The following PCYT1B variants were observed in gnomAD, a reference collection of about 807,000 sequenced individuals.
PCYT1B encodes phosphate cytidylyltransferase 1B, choline.
In PCYT1B, 10 loss-of-function variants were observed where a neutral mutation model predicts 26.4. The observed-to-expected ratio is 0.38, with a 90% CI of 0.23 to 0.64. The LOEUF (loss-of-function observed/expected upper bound fraction) is 0.64, where lower values mean the gene tolerates loss of function less well. Among genes scored for constraint, PCYT1B ranks in the 30% least tolerant of loss-of-function variants. PCYT1B has a pLI of 0.56. For synonymous variants in PCYT1B, 131 were observed against 108.4 expected (o/e 1.21, Z -1.29); for missense variants, 161 against 292.7 (o/e 0.55, Z 3.28).
intron 1 of PCYT1B, chrX:24,658,038 A>T (rs373495474): frequency 9.0e-6 from 1 of 111,401 alleles, no homozygotes; most frequent in African/African-American, 3.3e-5. Context: ...CTGTCCTACC[A>T]GGCAGTTTCC....
At chrX:24,598,902 A>C (rs2148240730) in intron 3 of PCYT1B, among the ~76,000 whole-genome samples, 1 of 112,243 alleles carries the variant, frequency 8.9e-6, no homozygotes, top group African/African-American at 3.2e-5. Flanking sequence ...TTTTCTGCAA[A>C]GTTAGTAATC....
chrX:24,656,162 G>A (rs1169689427), intron 1 of PCYT1B, among the ~76,000 whole-genome samples: 1 of 77,335 alleles, frequency 1.3e-5, no homozygotes, highest in Admixed American at 1.6e-4. Context: ...AAGCCCATTA[G>A]GGGAAAAAAA....
At chrX:24,636,528 G>A (rs753365570) in intron 1 of PCYT1B, among the ~76,000 whole-genome samples, 6 of 112,110 alleles carry the variant, frequency 5.4e-5, no homozygotes, top group East Asian at 2.8e-4. Flanking sequence ...CAGAAGAACC[G>A]CTTGTAACTG....
intron 7 of PCYT1B, among the ~76,000 whole-genome samples, chrX:24,569,542 T>C (rs1331458458): frequency 8.9e-6 from 1 of 112,423 alleles, no homozygotes; most frequent in African/African-American, 3.2e-5. Flanking sequence ...AGATGTGATG[T>C]ACACATAAAG....
chrX:24,642,402 T>C (rs1007707191), intron 1 of PCYT1B, among the ~76,000 whole-genome samples: 16 of 112,571 alleles, frequency 1.4e-4, no homozygotes, highest in Admixed American at 1.3e-3. Flanking sequence ...ATTGAGGACA[T>C]ATACATGCAC....
Position 24,558,095 on chromosome X carries a change from T to G in PCYT1B, c.*4198A>C, listed in dbSNP as rs1249298148. 8.9e-6 allele frequency: 1 copy of G among 112,067 alleles called. No individual in the cohort carries two copies. Among genetic ancestry groups the G allele is most frequent in the African/African-American group, 3.3e-5 (1 of 30,724 alleles). The allele number at this position is 112,067 out of a possible 1,213,427, so 9.2% of individuals were successfully genotyped here. A position where few individuals can be genotyped will look rare whatever the true frequency, so the allele number is the denominator to read the frequency against. Reference sequence around the variant, plus strand: ...ACAATGACACACGAAAGTGCAATTCTGCATCCCTTTATTTATAAACGAGTT... The same window carrying G: ...ACAATGACACACGAAAGTGCAATTCGGCATCCCTTTATTTATAAACGAGTT... On this transcript the variant is annotated 3_prime_UTR_variant, in exon 8 of 8. Transcript: ENST00000379144.
intron 1 of PCYT1B, among the ~76,000 whole-genome samples, chrX:24,646,313 G>A (rs957801274): frequency 1.8e-5 from 2 of 111,214 alleles, no homozygotes; most frequent in Middle Eastern, 4.7e-3. Flanking sequence ...TCAGTACCCC[G>A]TTTCCACACT....
At chrX:24,564,337 A>C (rs1489574425) in intron 7 of PCYT1B, among the ~76,000 whole-genome samples, 1 of 105,552 alleles carries the variant, frequency 9.5e-6, no homozygotes, top group Non-Finnish European at 1.9e-5. Context: ...AGTTCTGTTA[A>C]GTTTTTGTTT....
chrX:24,604,307 T>C (rs1199331532), intron 3 of PCYT1B, among the ~76,000 whole-genome samples: 2 of 110,057 alleles, frequency 1.8e-5, no homozygotes. Flanking sequence ...GCCAGGCTGG[T>C]CTCGAACTCC....
chrX:24,558,758 G>C lies in PCYT1B; in HGVS notation c.*3535C>G, dbSNP rs181119227. Reference sequence around the variant, plus strand: ...CCTGGCATTTCTTTGCCTTGGTAAGGTCCTGACACACAGGAGCATGCTTGC... The same window carrying C: ...CCTGGCATTTCTTTGCCTTGGTAAGCTCCTGACACACAGGAGCATGCTTGC... On this transcript the variant is annotated 3_prime_UTR_variant, in exon 8 of 8. Coordinates refer to ENST00000379144, the MANE Select transcript of PCYT1B (RefSeq NM_004845.5). 1 of 109,356 alleles carries C rather than the reference G, an allele frequency of 9.1e-6. No homozygotes were observed. The highest frequency in any genetic ancestry group is 1.9e-5 in the Non-Finnish European group (1 of 52,580). The allele number at this position is 109,356 out of a possible 1,213,427, so 9.0% of individuals were successfully genotyped here. A position where few individuals can be genotyped will look rare whatever the true frequency, so the allele number is the denominator to read the frequency against.
intron 1 of PCYT1B, among the ~76,000 whole-genome samples, chrX:24,652,474 G>A (rs779434971): frequency 8.2e-5 from 9 of 109,681 alleles, no homozygotes; most frequent in Middle Eastern, 4.7e-3. Flanking sequence ...CAGGAGAATC[G>A]CTTGAACCCA....
chrX:24,562,534 G>C, intron 7 of PCYT1B, 29 bp from the exon 8 acceptor site: 1 of 1,158,559 alleles, frequency 8.6e-7, no homozygotes, highest in Non-Finnish European at 1.2e-6. Context: ...GAAGGCATCT[G>C]TTAACTTTGC....
rs1165553186 is a variant in PCYT1B, at chrX:24,629,559, C to CAAAAAAAAAA, written c.118-10485_118-10476dup. Among the ~76,000 whole-genome samples the CAAAAAAAAAA allele has an allele frequency of 5.3e-3, 85 of 16,103 alleles. 19 individuals are homozygous for CAAAAAAAAAA. Among genetic ancestry groups the CAAAAAAAAAA allele is most frequent in the Admixed American group, 0.022 (15 of 679 alleles). The allele number at this position is 16,103 out of a possible 115,157, so 14.0% of individuals were successfully genotyped here. On this transcript the variant is annotated intron_variant, in intron 1 of 7. Transcript: ENST00000379144. ...TGGGTGAAAGAGTGAGACCCTGTCT[C>CAAAAAAAAAA]AAAAAAAAAAAAAAAAAAAAAAAAA...
chrX:24,582,095 G>A (rs1218467523), intron 5 of PCYT1B, among the ~76,000 whole-genome samples: 1 of 112,672 alleles, frequency 8.9e-6, no homozygotes, highest in Non-Finnish European at 1.9e-5. Context: ...ACCCAGCTGT[G>A]CAGGAGGCTC....
At chrX:24,605,798 T>C (rs1183365191) in intron 3 of PCYT1B, among the ~76,000 whole-genome samples, 1 of 110,856 alleles carries the variant, frequency 9.0e-6, no homozygotes, top group Non-Finnish European at 1.9e-5. Context: ...GGCATGTGCC[T>C]GTAATCCAGC....
intron 1 of PCYT1B, among the ~76,000 whole-genome samples, chrX:24,669,847 G>A (rs1927202588): frequency 9.2e-6 from 1 of 108,514 alleles, no homozygotes; most frequent in Non-Finnish European, 1.9e-5. Flanking sequence ...TTCAAGACCA[G>A]CCTGAGAAAC....
chrX:24,652,430 G>A (rs1220545949), intron 1 of PCYT1B, among the ~76,000 whole-genome samples: 3 of 109,974 alleles, frequency 2.7e-5, no homozygotes, highest in African/African-American at 9.9e-5. Context: ...GTGTTGGTGG[G>A]CGCCTGTAAT....
intron 2 of PCYT1B, among the ~76,000 whole-genome samples, chrX:24,608,395 A>G (rs1842715103): frequency 8.9e-6 from 1 of 111,929 alleles, no homozygotes; most frequent in African/African-American, 3.3e-5. Context: ...AGAAGTTGGC[A>G]AATGCTACAA....
chrX:24,670,113 A>AAAGAAAGAAAGAAAGGAAGGAAGG (rs1602218930), intron 1 of PCYT1B, among the ~76,000 whole-genome samples: 1 of 23,574 alleles, frequency 4.2e-5, no homozygotes, highest in Non-Finnish European at 7.7e-5. Flanking sequence ...AGAAAGAAAG[A>AAAGAAAGAAAGAAAGGAAGGAAGG]AAGGAAGGAA....
Sources: allele counts gnomAD v4.1 joint callset (sites outside exome capture counted in the v4.1 genomes callset), GRCh38; gene constraint gnomAD v4.1.1; transcripts MANE v1.5; gene names NCBI Gene and HGNC (gene_info 2026-07-23, HGNC 2026-07-21).